PSD: variants seen among roughly 807,000 people sequenced by gnomAD.
PSD encodes PH and SEC7 domain-containing protein 1.
A neutral mutation model predicts 91.6 loss-of-function variants in PSD; 32 were observed. The observed-to-expected ratio is 0.35, with a 90% CI of 0.26 to 0.47. The LOEUF is 0.47. PSD is among the 20% of genes least tolerant of loss of function. The probability of loss-of-function intolerance (pLI) is 1.00; values close to 1 mark genes in which losing one functional copy is unlikely to be tolerated. For missense variants in PSD, 1,099 were observed against 1,373.9 expected, an observed-to-expected ratio of 0.80 and a Z score of 3.16; for synonymous variants, 532 against 569.3, an observed-to-expected ratio of 0.93 and a Z score of 0.93.
rs545776006 is a variant in PSD at position 102,403,944 on chromosome 10, C to T, written c.2742G>A (p.Met914Ile). Reference protein sequence around the residue: ...VRTHEAKLKAMASELREHRAA... With the variant: ...VRTHEAKLKAIASELREHRAA... ...CCCGGTGCTCCCGCAGCTCACTTGC[C>T]ATGGCCTTCAGCTTGGCCTCGTGGG... Residue 914 changes from methionine to isoleucine, a missense_variant, in exon 16 of 17, where the codon ATG becomes ATA. This residue lies in a region of PSD where 358 missense variants were observed against 426.5 expected (regional missense o/e 0.84). Transcript: ENST00000020673. The surrounding 1 kb of genome is among the most constrained non-coding windows in gnomAD (Gnocchi z 6.7). 2 of 1,580,644 alleles carry T rather than the reference C, an allele frequency of 1.3e-6. No individual in the cohort carries two copies. The highest frequency in any genetic ancestry group is 1.7e-6 in the Non-Finnish European group (2 of 1,163,828).
chr10:102,405,531 T>A lies in PSD; in HGVS notation c.2141A>T (p.Glu714Val). 1 of 1,612,754 alleles carries A rather than the reference T, an allele frequency of 6.2e-7. No homozygotes were observed. The highest frequency in any genetic ancestry group is 1.7e-4 in the Middle Eastern group (1 of 5,846). The change falls in exon 12 of 17, where the codon GAG (glutamate) becomes GTG (valine). Residue 714 changes from glutamate to valine, a missense_variant. Coordinates refer to ENST00000020673, the MANE Select transcript of PSD (RefSeq NM_002779.5). The surrounding 1 kb of genome is among the most constrained non-coding windows in gnomAD (Gnocchi z 5.4). ...AGACAGAGAGCGTCTCAGCTCCTCC[T>A]CGTCTCTGCAGGTGTGATCACCTCA... ...KNEKLQWAID[E>V]EELRRSLSEL... is the part of the protein sequence containing the mutation.
At position 102,404,761 on chromosome 10, in the gene PSD, C is replaced by G; in HGVS notation, c.2556-34G>C. ...AAAGCACAGCCCTTTGGGACCTGGG[C>G]CCAGGGTTTCTGTCCCAGGATGCCA... On this transcript the variant is annotated intron_variant, in intron 14 of 16. Coordinates refer to ENST00000020673, the MANE Select transcript of PSD (RefSeq NM_002779.5). This position sits in a 1 kb window ranked among gnomAD's most constrained non-coding sequence, Gnocchi z 5.7. The G allele has an allele frequency of 6.4e-7, 1 of 1,555,080 alleles. No individual in the cohort carries two copies. The highest frequency in any genetic ancestry group is 8.7e-7 in the Non-Finnish European group (1 of 1,149,236).
chr10:102,405,258 G>A lies in PSD; in HGVS notation c.2327-5C>T, dbSNP rs375237519. The A allele has an allele frequency of 4.6e-5, 74 of 1,610,388 alleles. No individual in the cohort carries two copies. The highest frequency in any genetic ancestry group is 1.6e-4 in the Middle Eastern group (1 of 6,084). ...AGCCCCGCTTGCCCCGAGGTGCTGCGGGGAGAGAAGACAGGTCAGGGGGCC... is the reference window on the plus strand; with the variant it reads ...AGCCCCGCTTGCCCCGAGGTGCTGCAGGGAGAGAAGACAGGTCAGGGGGCC... On this transcript the variant is annotated splice_region_variant and splice_polypyrimidine_tract_variant and intron_variant, in intron 12 of 16. Coordinates refer to ENST00000020673, the MANE Select transcript of PSD (RefSeq NM_002779.5). This position sits in a 1 kb window ranked among gnomAD's most constrained non-coding sequence, Gnocchi z 5.4.
At chr10:102,408,821 C>T (rs1193545409) in intron 10 of PSD, 6 of 940,648 alleles carry the variant, frequency 6.4e-6, no homozygotes, top group Non-Finnish European at 7.6e-6. Context: ...TTGGCACCGC[C>T]CTCGGTGCCT....
In PSD at chr10:102,416,408, C is replaced by G; in HGVS notation, c.631G>C (p.Ala211Pro). The G allele has an allele frequency of 1.2e-6, 2 of 1,605,486 alleles. No homozygotes were observed. Among genetic ancestry groups the G allele is most frequent in the Non-Finnish European group, 1.7e-6 (2 of 1,176,470 alleles). The change falls in exon 2 of 17, where the codon GCT becomes CCT. Residue 211 changes from alanine to proline, a missense_variant. By Grantham distance (27) the Ala-to-Pro change is conservative (BLOSUM62 -1). Around this residue, in one of 3 missense-constraint regions of PSD, gnomAD observed 631 missense variants for 728.8 expected, o/e 0.87. Coordinates refer to ENST00000020673, the MANE Select transcript of PSD (RefSeq NM_002779.5). The surrounding 1 kb of genome is among the most constrained non-coding windows in gnomAD (Gnocchi z 6.0). ...ERLATLFGGP[A>P]DTGFLNQGDT... ...ACCTGGTTCAGGAATCCAGTGTCAG[C>G]AGGTCCTCCGAAGAGTGTGGCCAGG...
chr10:102,403,281 G>C lies in PSD; in HGVS notation c.2994C>G (p.Pro998=). 1 of 1,613,394 alleles carries C rather than the reference G, an allele frequency of 6.2e-7. No individual in the cohort carries two copies. The highest frequency in any genetic ancestry group is 1.3e-5 in the African/African-American group (1 of 75,064). The stretch of plus-strand genomic sequence containing the variant: ...GAGCCCGGGGCTGGCTGGAGGGTTT[G>C]GGCTGCAGGGAGGGACTGGAGTGAG... ...PPSHSSPSLQ[P]KPSSQPRAQR... is the part of the protein sequence containing the mutation. The change falls in exon 17 of 17, where the codon CCC becomes CCG. Residue 998 remains proline (P), a synonymous_variant. Transcript: ENST00000020673. This position sits in a 1 kb window ranked among gnomAD's most constrained non-coding sequence, Gnocchi z 6.7.
rs2061479215 is a variant in PSD at position 102,416,255 on chromosome 10, G to A, written c.654+130C>T. The A allele has an allele frequency of 2.4e-6, 3 of 1,260,188 alleles. No homozygotes were observed. Among genetic ancestry groups the A allele is most frequent in the Non-Finnish European group, 2.2e-6 (2 of 899,852 alleles). The allele number at this position is 1,260,188 out of a possible 1,614,324, so 78.1% of individuals were successfully genotyped here. A position where few individuals can be genotyped will look rare whatever the true frequency, so the allele number is the denominator to read the frequency against. On this transcript the variant is annotated intron_variant, in intron 2 of 16. Transcript: ENST00000020673. The surrounding 1 kb of genome is among the most constrained non-coding windows in gnomAD (Gnocchi z 6.0). The stretch of plus-strand genomic sequence containing the variant: ...TCAGAGACACAGAGACAAACACAGA[G>A]GGCAAGAGAGAGGCAGATTTAGAAC...
In PSD at chr10:102,404,431, T is replaced by C; in HGVS notation, c.2700+152A>G. On this transcript the variant is annotated intron_variant, in intron 15 of 16. Coordinates refer to ENST00000020673, the MANE Select transcript of PSD (RefSeq NM_002779.5). The surrounding 1 kb of genome is among the most constrained non-coding windows in gnomAD (Gnocchi z 5.7). ...TTCCCAGCCGGCAAGCGGGACCCAGTGGGGGCTGGATTTCAGTCCCTGCTC... is the reference window on the plus strand; with the variant it reads ...TTCCCAGCCGGCAAGCGGGACCCAGCGGGGGCTGGATTTCAGTCCCTGCTC... 2 of 956,402 alleles carry C rather than the reference T, an allele frequency of 2.1e-6. No individual in the cohort carries two copies. The highest frequency in any genetic ancestry group is 2.9e-6 in the Non-Finnish European group (2 of 686,888). 59.2% of individuals were successfully genotyped at this position (956,402 alleles called of 1,614,324 possible).
Position 102,405,899 on chromosome 10 carries a change from T to G in PSD, c.2136-363A>C. ...AACCACATCCAGCCCCAGGCTTTGC[T>G]CACGGTTTGTGGGCTAAATGGTAGC... On this transcript the variant is annotated intron_variant, in intron 11 of 16. Coordinates refer to ENST00000020673, the MANE Select transcript of PSD (RefSeq NM_002779.5). The surrounding 1 kb of genome is among the most constrained non-coding windows in gnomAD (Gnocchi z 5.4). 4.3e-6 allele frequency: 1 copy of G among 230,780 alleles called. No homozygotes were observed. The allele number at this position is 230,780 out of a possible 1,614,324, so 14.3% of individuals were successfully genotyped here. A position where few individuals can be genotyped will look rare whatever the true frequency, so the allele number is the denominator to read the frequency against.
intron 10 of PSD, among the ~76,000 whole-genome samples, chr10:102,407,673 C>A (rs542729324): frequency 1.3e-5 from 2 of 152,298 alleles, no homozygotes; most frequent in South Asian, 4.1e-4. Flanking sequence ...CCCCCAACCA[C>A]GCGCTCTGGC....
intron 8 of PSD, 149 bp downstream of exon 8, chr10:102,411,557 TG>T (rs2061424882): frequency 3.0e-6 from 2 of 674,850 alleles, no homozygotes; most frequent in East Asian, 5.4e-5. Flanking sequence ...ATGACAGCGC[TG>T]TCTGCACACA....
At position 102,405,392 on chromosome 10, in the gene PSD, G is replaced by A. The variant is rs377372832; in HGVS notation, c.2280C>T (p.His760=). Residue 760 remains histidine (H), a synonymous_variant, in exon 12 of 17, where the codon CAC becomes CAT. Coordinates refer to ENST00000020673, the MANE Select transcript of PSD (RefSeq NM_002779.5). This position sits in a 1 kb window ranked among gnomAD's most constrained non-coding sequence, Gnocchi z 5.4. ...TPEPGAAVYK[H]GALVRKVHAD... Reference sequence around the variant, plus strand: ...CGTGCACCTTTCGCACCAGGGCCCCGTGCTTGTAGACGGCAGCCCCAGGCT... The same window carrying A: ...CGTGCACCTTTCGCACCAGGGCCCCATGCTTGTAGACGGCAGCCCCAGGCT... 278 of 1,613,754 alleles carry A rather than the reference G, an allele frequency of 1.7e-4. No individual in the cohort carries two copies. In the Middle Eastern group the frequency reaches 5.6e-3, roughly 33 times the overall value.
chr10:102,410,840 C>T lies in PSD; in HGVS notation c.2091+18G>A. ...CATCCTTCCCCTCCAGCGACTTCTACCCTGCCCCGCCCCCCACCTTGAGCA... is the reference window on the plus strand; with the variant it reads ...CATCCTTCCCCTCCAGCGACTTCTATCCTGCCCCGCCCCCCACCTTGAGCA... On this transcript the variant is annotated intron_variant, in intron 10 of 16. Coordinates refer to ENST00000020673, the MANE Select transcript of PSD (RefSeq NM_002779.5). This position sits in a 1 kb window ranked among gnomAD's most constrained non-coding sequence, Gnocchi z 6.0. 1 of 1,599,568 alleles carries T rather than the reference C, an allele frequency of 6.3e-7. No homozygotes were observed. Among genetic ancestry groups the T allele is most frequent in the Non-Finnish European group, 8.6e-7 (1 of 1,168,686 alleles).
chr10:102,406,727 G>A (rs952789401), intron 11 of PSD, among the ~76,000 whole-genome samples: 5 of 152,168 alleles, frequency 3.3e-5, no homozygotes, highest in Non-Finnish European at 7.4e-5. Flanking sequence ...GGATGGTCTT[G>A]ATCTCCTGAC....
intron 10 of PSD, 120 bp from the exon 11 acceptor site, chr10:102,407,386 TA>T: frequency 1.6e-6 from 1 of 606,962 alleles, no homozygotes; most frequent in Non-Finnish European, 2.6e-6. Context: ...CAGCAAGATA[TA>T]ATGACCAAAA....
chr10:102,405,953 C>T lies in PSD; in HGVS notation c.2136-417G>A. On this transcript the variant is annotated intron_variant, in intron 11 of 16. Coordinates refer to ENST00000020673, the MANE Select transcript of PSD (RefSeq NM_002779.5). This position sits in a 1 kb window ranked among gnomAD's most constrained non-coding sequence, Gnocchi z 5.4. ...TGGAAGAAGTAGTTTCCTAGTGCCG[C>T]CCCCACCCCAACCCCATACATCCTG... The T allele has an allele frequency of 5.5e-6, 1 of 181,344 alleles. No homozygotes were observed. The highest frequency in any genetic ancestry group is 1.4e-4 in the South Asian group (1 of 7,348). The allele number at this position is 181,344 out of a possible 1,614,324, so 11.2% of individuals were successfully genotyped here.
At position 102,413,905 on chromosome 10, in the gene PSD, C is replaced by T. The variant is rs769779836; in HGVS notation, c.1417G>A (p.Ala473Thr). 2.5e-6 allele frequency: 4 copies of T among 1,613,878 alleles called. No individual in the cohort carries two copies. In the South Asian group the frequency reaches 3.3e-5, roughly 13 times the overall value. Residue 473 changes from alanine to threonine, a missense_variant, in exon 5 of 17, where the codon GCT becomes ACT. By Grantham distance (58) the Ala-to-Thr change is moderately conservative. Around this residue, in one of 3 missense-constraint regions of PSD, gnomAD observed 631 missense variants for 728.8 expected, o/e 0.87. Transcript: ENST00000020673. ...PLEPDSGTSS[A>T]ADGPWTQRGE... ...CTCTGTGTCCAAGGACCATCAGCAG[C>T]AGAGCTGGTACCAGAATCCGGTTCA...
In PSD at chr10:102,410,291, G is replaced by A. The variant is rs1389849358; in HGVS notation, c.2091+567C>T. On this transcript the variant is annotated intron_variant, in intron 10 of 16. Coordinates refer to ENST00000020673, the MANE Select transcript of PSD (RefSeq NM_002779.5). This position sits in a 1 kb window ranked among gnomAD's most constrained non-coding sequence, Gnocchi z 6.0. ...TGAGCCCTCGGTTGCGGGCCATGGA[G>A]CTGGCGCCTGGGAACGGGACCTGCT... Among the ~76,000 whole-genome samples, 2 of 152,222 alleles carry A rather than the reference G, an allele frequency of 1.3e-5. No homozygotes were observed. The highest frequency in any genetic ancestry group is 2.9e-5 in the Non-Finnish European group (2 of 68,044).
rs2061414178 is a variant in PSD, at chr10:102,410,530, C to T, written c.2091+328G>A. ...CCCGTGCAGGGACCCCCGCAACTCCCGCCTTCCACCCCAGCGCACACTGGA... is the reference window on the plus strand; with the variant it reads ...CCCGTGCAGGGACCCCCGCAACTCCTGCCTTCCACCCCAGCGCACACTGGA... On this transcript the variant is annotated intron_variant, in intron 10 of 16. Transcript: ENST00000020673. This position sits in a 1 kb window ranked among gnomAD's most constrained non-coding sequence, Gnocchi z 6.0. Among the ~76,000 whole-genome samples the T allele has an allele frequency of 6.6e-6, 1 of 152,218 alleles. No homozygotes were observed. The highest frequency in any genetic ancestry group is 6.5e-5 in the Admixed American group (1 of 15,292).
Sources: gnomAD v4.1 joint callset for allele counts (sites outside exome capture counted in the v4.1 genomes callset) on GRCh38, gnomAD v4.1.1 for gene constraint, gnomAD v4.1.1 regional missense constraint, Gnocchi (gnomAD v3.1) non-coding constraint, MANE v1.5 for transcripts, NCBI Gene and HGNC (gene_info 2026-07-23, HGNC 2026-07-21) for gene names.